Variants in RBFOX3 observed in about 807,000 individuals in gnomAD.
RBFOX3 encodes the protein RNA binding fox-1 homolog 3.
RBFOX3 carries 17 observed loss-of-function variants against 48.7 expected under a neutral mutation model. The observed-to-expected ratio is 0.35, with a 90% confidence interval of 0.24 to 0.52. The LOEUF (loss-of-function observed/expected upper bound fraction) is 0.52. Ranked by LOEUF, RBFOX3 falls within the 20% of genes least tolerant of loss-of-function variation. The probability of loss-of-function intolerance (pLI) is 0.94; values close to 1 mark genes in which losing one functional copy is unlikely to be tolerated. For synonymous variants in RBFOX3, 212 were observed against 209.5 expected (o/e 1.01, Z -0.10); for missense variants, 382 against 497.5 (o/e 0.77, Z 2.21).
the RBFOX3 span, among the ~76,000 whole-genome samples, chr17:79,625,935 T>C: frequency 6.6e-6 from 1 of 152,186 alleles, no homozygotes; most frequent in Non-Finnish European, 1.5e-5. Context: ...GCCCCAACTT[T>C]GAGAGCGAGG....
intron 4 of RBFOX3, among the ~76,000 whole-genome samples, chr17:79,125,896 GTGTCACAGCC>G (rs1396510496): frequency 6.6e-6 from 1 of 152,232 alleles, no homozygotes; most frequent in Admixed American, 6.5e-5. Flanking sequence ...GCTGTGAGGT[GTGTCACAGCC>G]TGTGCCACCC....
At chr17:79,128,750 C>T (rs1454637479) in intron 4 of RBFOX3, among the ~76,000 whole-genome samples, 1 of 152,204 alleles carries the variant, frequency 6.6e-6, no homozygotes, top group African/African-American at 2.4e-5. Context: ...CCAGGACGGG[C>T]AGCTCAGGAG....
At chr17:79,129,717 A>T (rs1298955251) in intron 4 of RBFOX3, among the ~76,000 whole-genome samples, 1 of 152,240 alleles carries the variant, frequency 6.6e-6, no homozygotes, top group Non-Finnish European at 1.5e-5. Context: ...CCGTGGGGAA[A>T]AGACTGCTTG....
chr17:79,523,224 G>T (rs2086358783), intron 1 of RBFOX3, among the ~76,000 whole-genome samples: 1 of 152,074 alleles, frequency 6.6e-6, no homozygotes, highest in Non-Finnish European at 1.5e-5. Context: ...ATGGGTGGTT[G>T]GTGGTGACAG....
At chr17:79,264,403 C>T (rs1203626956) in intron 3 of RBFOX3, among the ~76,000 whole-genome samples, 3 of 151,292 alleles carry the variant, frequency 2.0e-5, no homozygotes, top group African/African-American at 4.9e-5. Context: ...GGGGGTCTCA[C>T]TATGTTATCC....
chr17:79,332,455 G>A (rs1185660155), intron 2 of RBFOX3, among the ~76,000 whole-genome samples: 4 of 152,076 alleles, frequency 2.6e-5, no homozygotes, highest in Non-Finnish European at 4.4e-5. Flanking sequence ...TGGGGTCCAC[G>A]TGAGCACCTG....
At chr17:79,415,797 A>AG (rs373171400) in intron 2 of RBFOX3, among the ~76,000 whole-genome samples, 69 of 152,132 alleles carry the variant, frequency 4.5e-4, no homozygotes, top group Middle Eastern at 3.4e-3. Context: ...GGTCATAAGG[A>AG]GGGGTCTCTG....
intron 2 of RBFOX3, among the ~76,000 whole-genome samples, chr17:79,399,343 G>C (rs1015831136): frequency 1.3e-5 from 2 of 152,198 alleles, no homozygotes; most frequent in Non-Finnish European, 2.9e-5. Flanking sequence ...GTGCGTGCCC[G>C]CACACACACA....
At position 79,480,924 on chromosome 17, in the gene RBFOX3, C is replaced by T. The variant is rs1338207670; in HGVS notation, c.-175+1530G>A. ...CCAGAACTTGACCTTGTCTCCACTG[C>T]GTCTCCAGCACCCCAAACAGGGCTC... is the stretch of plus-strand genomic sequence containing the variant. On this transcript the variant is annotated intron_variant, in intron 2 of 14. Coordinates refer to ENST00000693108, the MANE Select transcript of RBFOX3 (RefSeq NM_001350451.2). This position sits in a 1 kb window ranked among gnomAD's most constrained non-coding sequence, Gnocchi z 4.8. 5.3e-5 allele frequency among the ~76,000 whole-genome samples: 8 copies of T among 152,202 alleles called. No homozygotes were observed. Among genetic ancestry groups the T allele is most frequent in the African/African-American group, 1.7e-4 (7 of 41,434 alleles).
chr17:79,654,202 G>A, the RBFOX3 span, among the ~76,000 whole-genome samples: 5 of 152,134 alleles, frequency 3.3e-5, no homozygotes, highest in East Asian at 1.9e-4. Flanking sequence ...ATCGAGCACC[G>A]GAGAGGCTGT....
At chr17:79,388,327 C>T (rs1402017264) in intron 2 of RBFOX3, among the ~76,000 whole-genome samples, 1 of 152,150 alleles carries the variant, frequency 6.6e-6, no homozygotes, top group East Asian at 1.9e-4. Flanking sequence ...CAAAAGCACC[C>T]AGGCATGACC....
intron 3 of RBFOX3, among the ~76,000 whole-genome samples, chr17:79,295,906 A>G (rs1013906303): frequency 2.6e-5 from 4 of 152,198 alleles, no homozygotes; most frequent in East Asian, 1.9e-4. Context: ...AAGGGCGGTT[A>G]TTTGTAAATA....
chr17:79,202,591 G>T (rs1303091744), intron 4 of RBFOX3, among the ~76,000 whole-genome samples: 3 of 152,232 alleles, frequency 2.0e-5, no homozygotes. Context: ...CGAGGCCCAG[G>T]CCAGGGGCTT....
intron 1 of RBFOX3, among the ~76,000 whole-genome samples, chr17:79,578,205 C>T (rs904635538): frequency 5.3e-5 from 8 of 152,224 alleles, no homozygotes; most frequent in Non-Finnish European, 1.2e-4. Context: ...TTGGCGATGC[C>T]GGGAGCAACC....
intron 2 of RBFOX3, among the ~76,000 whole-genome samples, chr17:79,412,201 T>C (rs1052677747): frequency 1.3e-5 from 2 of 151,904 alleles, no homozygotes; most frequent in East Asian, 3.9e-4. Flanking sequence ...TGTGAGGGCA[T>C]AGTGTGTATG....
At position 79,335,615 on chromosome 17, in the gene RBFOX3, C is replaced by A. The variant is rs548553588; in HGVS notation, c.-174-27791G>T. Among the ~76,000 whole-genome samples, 8 of 152,276 alleles carry A rather than the reference C, an allele frequency of 5.3e-5. No individual in the cohort carries two copies. In the East Asian group the frequency reaches 1.6e-3, roughly 30 times the overall value. On this transcript the variant is annotated intron_variant, in intron 2 of 14. Transcript: ENST00000693108. ...TGAGTCCACACCCCTTGGCGCAGAA[C>A]CCCCAGCCTCCGCCATCTGGCTCTT...
At chr17:79,545,428 C>T (rs2090293369) in intron 1 of RBFOX3, among the ~76,000 whole-genome samples, 2 of 152,148 alleles carry the variant, frequency 1.3e-5, no homozygotes, top group African/African-American at 2.4e-5. Context: ...CACAGGGTCC[C>T]ACCGGCGACC....
chr17:79,212,853 T>A lies in RBFOX3; in HGVS notation c.-34+22913A>T, dbSNP rs1206911608. Among the ~76,000 whole-genome samples the A allele has an allele frequency of 6.6e-6, 1 of 152,154 alleles. No homozygotes were observed. Among genetic ancestry groups the A allele is most frequent in the African/African-American group, 2.4e-5 (1 of 41,434 alleles). ...ACTTCCTGGGGCCTGGAAACAGATGTCACCTCAGCTACAGTGTTTGAGTTG... is the reference window on the plus strand; with the variant it reads ...ACTTCCTGGGGCCTGGAAACAGATGACACCTCAGCTACAGTGTTTGAGTTG... On this transcript the variant is annotated intron_variant, in intron 4 of 14. Transcript: ENST00000693108. This position sits in a 1 kb window ranked among gnomAD's most constrained non-coding sequence, Gnocchi z 4.7.
chr17:79,321,350 CAGGACGT>C (rs2078494667), intron 2 of RBFOX3, among the ~76,000 whole-genome samples: 1 of 152,202 alleles, frequency 6.6e-6, no homozygotes, highest in South Asian at 2.1e-4. Context: ...GCAATGGCAG[CAGGACGT>C]AGAGAGGCTA....
Sources: gnomAD v4.1 joint callset for allele counts (sites outside exome capture counted in the v4.1 genomes callset) on GRCh38, gnomAD v4.1.1 for gene constraint, Gnocchi (gnomAD v3.1) non-coding constraint, MANE v1.5 for transcripts, NCBI Gene and HGNC (gene_info 2026-07-23, HGNC 2026-07-21) for gene names.